CRTAC1: variants seen among roughly 807,000 people sequenced by gnomAD.
CRTAC1 encodes the protein acidic secreted protein in cartilage.
CRTAC1 carries 37 observed loss-of-function variants against 67.8 expected under a neutral mutation model. The observed-to-expected ratio is 0.55, with a 90% CI of 0.42 to 0.72. The LOEUF (loss-of-function observed/expected upper bound fraction) is 0.72, where lower values mean the gene tolerates loss of function less well. Among genes scored for constraint, CRTAC1 ranks in the 30% least tolerant of loss-of-function variants. The pLI, the probability that CRTAC1 is intolerant of heterozygous loss-of-function variation, is 0.00. For missense variants in CRTAC1, 780 were observed against 931.6 expected (o/e 0.84, Z 2.12); for synonymous variants, 348 against 371.0 (o/e 0.94, Z 0.71).
chr10:98,000,264 C>T (rs1381150304), intron 2 of CRTAC1, among the ~76,000 whole-genome samples: 1 of 152,192 alleles, frequency 6.6e-6, no homozygotes, highest in Non-Finnish European at 1.5e-5. Flanking sequence ...AGAGCTGTGA[C>T]CCCTCAGGGA....
At chr10:98,005,207 C>A (rs895222725) in intron 2 of CRTAC1, among the ~76,000 whole-genome samples, 1 of 144,766 alleles carries the variant, frequency 6.9e-6, no homozygotes, top group Admixed American at 7.1e-5. Context: ...CGAGTTCAAG[C>A]GATTCTCCTG....
chr10:97,891,853 C>T (rs1035380750), intron 11 of CRTAC1, among the ~76,000 whole-genome samples: 6 of 152,350 alleles, frequency 3.9e-5, no homozygotes, highest in Non-Finnish European at 5.9e-5. Flanking sequence ...CCCCGCCTCT[C>T]GCTGTGTCCC....
At chr10:98,028,339 G>A (rs1564942378) in intron 1 of CRTAC1, among the ~76,000 whole-genome samples, 1 of 152,212 alleles carries the variant, frequency 6.6e-6, no homozygotes, top group Non-Finnish European at 1.5e-5. Flanking sequence ...AAAGTCAGTG[G>A]TCCTGAGCCA....
intron 3 of CRTAC1, among the ~76,000 whole-genome samples, chr10:97,934,959 GC>G (rs1336539518): frequency 6.8e-6 from 1 of 147,724 alleles, no homozygotes; most frequent in South Asian, 2.3e-4. Context: ...GGTGGAGGGG[GC>G]GTGGGTGGGG....
Position 98,019,037 on chromosome 10 carries a change from C to T in CRTAC1, c.25-7700G>A, listed in dbSNP as rs565205460. 1.1e-3 allele frequency among the ~76,000 whole-genome samples: 169 copies of T among 151,976 alleles called. 1 individual carries two copies. Among genetic ancestry groups the T allele is most frequent in the African/African-American group, 3.9e-3 (162 of 41,460 alleles). The stretch of plus-strand genomic sequence containing the variant: ...TTGCAGTACAGGGTGAGGGGTGCTG[C>T]GGAGGAGGGAGCACAGAGAGATGTA... On this transcript the variant is annotated intron_variant, in intron 1 of 14. Transcript: ENST00000370597.
At chr10:97,877,479 C>T (rs1449151210) in intron 14 of CRTAC1, among the ~76,000 whole-genome samples, 1 of 150,882 alleles carries the variant, frequency 6.6e-6, no homozygotes, top group Non-Finnish European at 1.5e-5. Flanking sequence ...ATTGCTTTCA[C>T]TTACCATTGT....
chr10:97,932,532 G>A (rs1350736912), intron 3 of CRTAC1, among the ~76,000 whole-genome samples: 1 of 152,162 alleles, frequency 6.6e-6, no homozygotes. Flanking sequence ...GGCACAGGGG[G>A]TAATGGGGGT....
chr10:97,891,369 A>C (rs1013158295), intron 11 of CRTAC1, among the ~76,000 whole-genome samples: 1 of 152,192 alleles, frequency 6.6e-6, no homozygotes, highest in Non-Finnish European at 1.5e-5. Flanking sequence ...AGCCAGCCCA[A>C]CTCCTAGAAT....
chr10:97,904,705 A>T lies in CRTAC1; in HGVS notation c.960T>A (p.Tyr320Ter). ...YGNWNGPHRL[Y>*]LQMSTHGKVR... ...CCTTCCCATGGGTGCTCATTTGCAGATAGAGGCGGTGGGGGCCATTCCAGT... is the reference window on the plus strand; with the variant it reads ...CCTTCCCATGGGTGCTCATTTGCAGTTAGAGGCGGTGGGGGCCATTCCAGT... The change falls in exon 7 of 15, where the codon TAT (tyrosine) becomes TAA (stop). Residue 320 changes from tyrosine to a stop codon, truncating the protein, a stop_gained. Coordinates refer to ENST00000370597, the MANE Select transcript of CRTAC1 (RefSeq NM_018058.7). LOFTEE classifies it high-confidence loss of function. The T allele has an allele frequency of 6.3e-7, 1 of 1,593,010 alleles. No homozygotes were observed. The highest frequency in any genetic ancestry group is 8.5e-7 in the Non-Finnish European group (1 of 1,171,220).
At chr10:97,962,908 A>T (rs1380897465) in intron 2 of CRTAC1, among the ~76,000 whole-genome samples, 3 of 152,008 alleles carry the variant, frequency 2.0e-5, no homozygotes, top group Non-Finnish European at 4.4e-5. Flanking sequence ...AAAAACAAAA[A>T]AAACAAAACT....
intron 4 of CRTAC1, among the ~76,000 whole-genome samples, chr10:97,919,906 ATTTT>A (rs58025510): frequency 5.0e-5 from 7 of 139,686 alleles, no homozygotes; most frequent in Admixed American, 2.8e-4. Flanking sequence ...CACCCAGCTA[ATTTT>A]TTTTTTTGTT....
At chr10:97,918,210 G>T (rs141068944) in intron 4 of CRTAC1, among the ~76,000 whole-genome samples, 1 of 152,012 alleles carries the variant, frequency 6.6e-6, no homozygotes, top group Non-Finnish European at 1.5e-5. Context: ...TACTTCCCTC[G>T]TCCCTTCCCT....
intron 4 of CRTAC1, among the ~76,000 whole-genome samples, chr10:97,919,528 T>C: frequency 6.6e-6 from 1 of 152,286 alleles, no homozygotes; most frequent in East Asian, 1.9e-4. Flanking sequence ...GATTGCTCTG[T>C]TCCTTCTCTT....
chr10:97,974,640 G>A (rs567224366), intron 2 of CRTAC1, among the ~76,000 whole-genome samples: 68 of 152,196 alleles, frequency 4.5e-4, no homozygotes, highest in African/African-American at 1.6e-3. Context: ...GATATCAAAC[G>A]GATTTCATCT....
At chr10:98,011,482 C>A (rs953310858) in intron 1 of CRTAC1, 145 bp from the exon 2 acceptor site, 11 of 801,862 alleles carry the variant, frequency 1.4e-5, no homozygotes, top group Non-Finnish European at 2.2e-5. Flanking sequence ...TTTCCACAAG[C>A]CCTGCCCTCC....
chr10:97,911,578 G>A (rs965327076), intron 5 of CRTAC1, among the ~76,000 whole-genome samples: 1 of 152,138 alleles, frequency 6.6e-6, no homozygotes, highest in African/African-American at 2.4e-5. Context: ...TTACAATGGG[G>A]GCCCAACGGG....
chr10:98,024,845 G>A (rs1218253204), intron 1 of CRTAC1, among the ~76,000 whole-genome samples: 1 of 146,664 alleles, frequency 6.8e-6, no homozygotes, highest in African/African-American at 2.5e-5. Context: ...ATGGGGGTGG[G>A]AGAATGATTT....
intron 4 of CRTAC1, among the ~76,000 whole-genome samples, chr10:97,919,878 T>C (rs1426709899): frequency 1.3e-5 from 2 of 150,400 alleles, no homozygotes; most frequent in Non-Finnish European, 3.0e-5. Context: ...TAGCTGGGAC[T>C]ACAGGTGTGC....
chr10:97,976,283 C>T (rs1322513913), intron 2 of CRTAC1, among the ~76,000 whole-genome samples: 1 of 152,202 alleles, frequency 6.6e-6, no homozygotes, highest in Non-Finnish European at 1.5e-5. Context: ...AACCAAATAT[C>T]TTGCATGTAG....
Sources: allele counts gnomAD v4.1 joint callset (sites outside exome capture counted in the v4.1 genomes callset), GRCh38; gene constraint gnomAD v4.1.1; transcripts MANE v1.5; gene names NCBI Gene and HGNC (gene_info 2026-07-23, HGNC 2026-07-21).